Variants in KIFAP3 observed in about 807,000 individuals in gnomAD.
KIFAP3 encodes the protein kinesin associated protein 3, also known as kinesin-associated protein 3.
In KIFAP3, 68 loss-of-function variants were observed where a neutral mutation model predicts 106.5. That is an observed-to-expected ratio of 0.64 (90% CI 0.53 to 0.78). The LOEUF is 0.78. Ranked by LOEUF, KIFAP3 falls within the 30% of genes least tolerant of loss-of-function variation. The pLI is 0.00. For missense variants in KIFAP3, 780 were observed against 941.8 expected, an observed-to-expected ratio of 0.83 and a Z score of 2.25; for synonymous variants, 320 against 311.5, an observed-to-expected ratio of 1.03 and a Z score of -0.29.
At chr1:169,939,453 G>C (rs368256826) in intron 19 of KIFAP3, among the ~76,000 whole-genome samples, 26 of 152,268 alleles carry the variant, frequency 1.7e-4, no homozygotes, top group African/African-American at 6.0e-4. Context: ...CAAAAGTTAA[G>C]TTTGATAATT....
At chr1:169,997,824 C>G (rs996582694) in intron 10 of KIFAP3, among the ~76,000 whole-genome samples, 3 of 136,136 alleles carry the variant, frequency 2.2e-5, no homozygotes, top group African/African-American at 8.4e-5. Flanking sequence ...GAGCCGAGAT[C>G]GTACCACTCC....
intron 10 of KIFAP3, among the ~76,000 whole-genome samples, chr1:169,994,873 A>T (rs981209910): frequency 2.0e-5 from 3 of 152,080 alleles, no homozygotes; most frequent in Admixed American, 6.5e-5. Context: ...GCTGAATTAG[A>T]GTCAGAGATA....
chr1:170,036,735 A>G (rs1382088595), intron 5 of KIFAP3, among the ~76,000 whole-genome samples: 1 of 152,182 alleles, frequency 6.6e-6, no homozygotes, highest in Non-Finnish European at 1.5e-5. Flanking sequence ...TCATAAATTT[A>G]GGCATAGGTT....
intron 1 of KIFAP3, among the ~76,000 whole-genome samples, chr1:170,073,733 A>C (rs2102183073): frequency 6.6e-6 from 1 of 151,708 alleles, no homozygotes; most frequent in African/African-American, 2.4e-5. Flanking sequence ...ATCAGGAATG[A>C]TCTGAGTATT....
intron 11 of KIFAP3, among the ~76,000 whole-genome samples, chr1:169,987,095 T>C (rs1306933844): frequency 6.6e-6 from 1 of 152,052 alleles, no homozygotes; most frequent in Non-Finnish European, 1.5e-5. Context: ...AGCTTTCAAA[T>C]TTAAAAAAGC....
At chr1:170,016,656 G>C in intron 9 of KIFAP3, 32 bp from the exon 10 acceptor site, 1 of 1,329,618 alleles carries the variant, frequency 7.5e-7, no homozygotes, top group Non-Finnish European at 1.0e-6. Flanking sequence ...ATACAGTGAA[G>C]TTCTGTTGCA....
rs74125305 is a variant in KIFAP3, at chr1:169,969,693, C to G, written c.1983+2820G>C. ...AAAGATGACAGAAATCACTCTTTCA[C>G]CAGAGAACCTGGTTATATCCCTTTT... On this transcript the variant is annotated intron_variant, in intron 17 of 19. Transcript: ENST00000361580. 6.6e-3 allele frequency among the ~76,000 whole-genome samples: 997 copies of G among 152,102 alleles called. 11 individuals carry two copies. The highest frequency in any genetic ancestry group is 0.023 in the African/African-American group (950 of 41,538).
rs796820717 is a variant in KIFAP3, at chr1:169,982,998, CTT to C, written c.1507-133_1507-132del. ...AATGTGATTTTCTTGTTTTAATAAT[CTT>C]GAGCTAAATTGCTAAAGAAGCCTAT... On this transcript the variant is annotated intron_variant, in intron 13 of 19. Coordinates refer to ENST00000361580, the MANE Select transcript of KIFAP3 (RefSeq NM_014970.4). The C allele has an allele frequency of 2.8e-5, 18 of 642,572 alleles. No homozygotes were observed. The African/African-American group carries it at 3.2e-4, about 12-fold the overall frequency. 39.8% of individuals were successfully genotyped at this position (642,572 alleles called of 1,614,324 possible).
intron 1 of KIFAP3, among the ~76,000 whole-genome samples, chr1:170,060,268 C>A (rs1468119332): frequency 6.6e-6 from 1 of 152,146 alleles, no homozygotes; most frequent in African/African-American, 2.4e-5. Context: ...AAAACCCCAT[C>A]GTCTCAGCCA....
intron 2 of KIFAP3, among the ~76,000 whole-genome samples, chr1:170,052,814 A>G (rs1293530442): frequency 2.6e-5 from 4 of 152,338 alleles, no homozygotes; most frequent in African/African-American, 9.6e-5. Context: ...AAAAACTCTC[A>G]ATAAACTAGG....
At chr1:169,958,997 T>C (rs1358869867) in intron 18 of KIFAP3, among the ~76,000 whole-genome samples, 1 of 152,174 alleles carries the variant, frequency 6.6e-6, no homozygotes, top group East Asian at 1.9e-4. Flanking sequence ...ATGATGCTAA[T>C]GACTAGAAAA....
intron 16 of KIFAP3, 36 bp from the exon 17 acceptor site, chr1:169,972,634 G>T: frequency 2.9e-6 from 3 of 1,028,496 alleles, no homozygotes; most frequent in East Asian, 2.5e-5. Context: ...AACTACATTT[G>T]ATATTGTGGC....
intron 19 of KIFAP3, among the ~76,000 whole-genome samples, chr1:169,944,239 G>T (rs1664301998): frequency 6.6e-6 from 1 of 152,216 alleles, no homozygotes; most frequent in African/African-American, 2.4e-5. Flanking sequence ...CAGGCATGCT[G>T]GCTGACTGGC....
At chr1:170,001,211 A>G (rs1242840117) in intron 10 of KIFAP3, among the ~76,000 whole-genome samples, 1 of 152,164 alleles carries the variant, frequency 6.6e-6, no homozygotes, top group Non-Finnish European at 1.5e-5. Context: ...GAATACACAT[A>G]CTTGTGGTAC....
intron 10 of KIFAP3, among the ~76,000 whole-genome samples, chr1:170,003,948 T>C (rs932912820): frequency 6.6e-6 from 1 of 152,130 alleles, no homozygotes; most frequent in Non-Finnish European, 1.5e-5. Flanking sequence ...CATGATTGTA[T>C]ATCTAGAAAA....
chr1:170,053,354 C>T (rs944469459), intron 2 of KIFAP3, among the ~76,000 whole-genome samples: 2 of 152,002 alleles, frequency 1.3e-5, no homozygotes, highest in African/African-American at 4.8e-5. Flanking sequence ...AGGACACAAA[C>T]AAATGGAAAA....
Position 169,984,816 on chromosome 1 carries a change from T to C in KIFAP3, c.1285-126A>G, listed in dbSNP as rs1666732181. On this transcript the variant is annotated intron_variant, in intron 11 of 19. Coordinates refer to ENST00000361580, the MANE Select transcript of KIFAP3 (RefSeq NM_014970.4). Reference sequence around the variant, plus strand: ...TTGGGCATAATATAATTATTTACATTTCAACACATAAAACTGGCAGGCGTT... The same window carrying C: ...TTGGGCATAATATAATTATTTACATCTCAACACATAAAACTGGCAGGCGTT... 5.5e-6 allele frequency: 3 copies of C among 545,412 alleles called. No homozygotes were observed. In the African/African-American group the frequency reaches 5.7e-5, roughly 10 times the overall value. 33.8% of individuals were successfully genotyped at this position (545,412 alleles called of 1,614,324 possible).
At chr1:169,934,297 T>C (rs557241430) in intron 19 of KIFAP3, among the ~76,000 whole-genome samples, 1 of 152,268 alleles carries the variant, frequency 6.6e-6, no homozygotes, top group African/African-American at 2.4e-5. Context: ...CCTTTTACCG[T>C]AGTGAGACTG....
intron 10 of KIFAP3, among the ~76,000 whole-genome samples, chr1:169,998,093 A>G (rs996104032): frequency 2.6e-5 from 4 of 151,348 alleles, no homozygotes; most frequent in Admixed American, 6.6e-5. Flanking sequence ...CCCCCTCCAC[A>G]CACATTCAGA....
Sources: gnomAD v4.1 joint callset for allele counts (sites outside exome capture counted in the v4.1 genomes callset) on GRCh38, gnomAD v4.1.1 for gene constraint, MANE v1.5 for transcripts, NCBI Gene and HGNC (gene_info 2026-07-23, HGNC 2026-07-21) for gene names.